ASTN2: variants seen among roughly 807,000 people sequenced by gnomAD.
The protein encoded by ASTN2 is astrotactin-2.
Under a neutral mutation model 139.8 loss-of-function variants are expected in ASTN2, and 54 were observed. That is an observed-to-expected ratio of 0.39 (90% CI 0.31 to 0.48). The LOEUF is 0.48. ASTN2 is among the 20% of genes least tolerant of loss of function. The pLI is 0.95. For synonymous variants in ASTN2, 756 were observed against 719.5 expected (o/e 1.05, Z -0.81); for missense variants, 1,565 against 1,725.1 (o/e 0.91, Z 1.64).
At chr9:116,940,368 C>A (rs914537041) in intron 10 of ASTN2, among the ~76,000 whole-genome samples, 1 of 152,082 alleles carries the variant, frequency 6.6e-6, no homozygotes, top group Non-Finnish European at 1.5e-5. Flanking sequence ...GGAGGTATTG[C>A]AGAAAAGGCA....
chr9:116,921,154 C>T (rs1242305665), intron 10 of ASTN2, among the ~76,000 whole-genome samples: 1 of 152,038 alleles, frequency 6.6e-6, no homozygotes, highest in African/African-American at 2.4e-5. Flanking sequence ...AGGTACCACA[C>T]ACTTTTAGAC....
intron 19 of ASTN2, among the ~76,000 whole-genome samples, chr9:116,507,966 G>A (rs1324650814): frequency 6.6e-6 from 1 of 152,072 alleles, no homozygotes; most frequent in Non-Finnish European, 1.5e-5. Flanking sequence ...TTGGCTCACC[G>A]CAACCTCCAC....
intron 11 of ASTN2, among the ~76,000 whole-genome samples, chr9:116,861,137 G>C (rs1311317865): frequency 6.6e-6 from 1 of 151,730 alleles, no homozygotes; most frequent in African/African-American, 2.4e-5. Context: ...CCTAGGGAAT[G>C]AATGTTCTTT....
chr9:117,362,519 T>C (rs921836441), intron 1 of ASTN2, among the ~76,000 whole-genome samples: 9 of 152,138 alleles, frequency 5.9e-5, no homozygotes, highest in Non-Finnish European at 8.8e-5. Flanking sequence ...CCTGCTGACC[T>C]GTGGCCTCAA....
At chr9:117,358,437 A>G (rs1427938760) in intron 1 of ASTN2, among the ~76,000 whole-genome samples, 1 of 152,104 alleles carries the variant, frequency 6.6e-6, no homozygotes, top group East Asian at 1.9e-4. Context: ...CCTTAGTCCT[A>G]AGGTTGCAAA....
At chr9:116,798,105 T>C (rs927232300) in intron 13 of ASTN2, among the ~76,000 whole-genome samples, 1 of 152,132 alleles carries the variant, frequency 6.6e-6, no homozygotes, top group African/African-American at 2.4e-5. Context: ...ACCTTGTCTC[T>C]ACTAAAGATA....
intron 3 of ASTN2, among the ~76,000 whole-genome samples, chr9:117,159,584 T>C (rs531631694): frequency 5.3e-4 from 81 of 152,172 alleles, no homozygotes; most frequent in Non-Finnish European, 9.4e-4. Flanking sequence ...CAATTCATTA[T>C]TGAGTTGTGT....
chr9:116,885,198 A>G (rs958186557), intron 10 of ASTN2, among the ~76,000 whole-genome samples: 4 of 152,160 alleles, frequency 2.6e-5, no homozygotes, highest in Non-Finnish European at 4.4e-5. Flanking sequence ...CTCATGTTCA[A>G]TTAGCTAGAA....
intron 17 of ASTN2, among the ~76,000 whole-genome samples, chr9:116,630,321 A>G (rs1856684675): frequency 6.6e-6 from 1 of 152,162 alleles, no homozygotes; most frequent in African/African-American, 2.4e-5. Flanking sequence ...CATCTCCATA[A>G]ACAGCCTGTA....
At chr9:116,816,606 T>A (rs1307895868) in intron 12 of ASTN2, among the ~76,000 whole-genome samples, 2 of 152,154 alleles carry the variant, frequency 1.3e-5, no homozygotes, top group Non-Finnish European at 2.9e-5. Context: ...GGAATGGCAA[T>A]GAAGACATGC....
In ASTN2 at chr9:117,018,270, A is replaced by C. The variant is rs1019110005; in HGVS notation, c.1424-10011T>G. On this transcript the variant is annotated intron_variant, in intron 6 of 22. Coordinates refer to ENST00000313400, the MANE Select transcript of ASTN2 (RefSeq NM_001365068.1). The stretch of plus-strand genomic sequence containing the variant: ...GCCTACAGGACCCACCAGCTTCACT[A>C]TGCTCCCTGCAGCCTGTTTCCACTT... Among the ~76,000 whole-genome samples, 7 of 152,134 alleles carry C rather than the reference A, an allele frequency of 4.6e-5. 1 individual carries two copies. The highest frequency in any genetic ancestry group is 1.3e-4 in the Admixed American group (2 of 15,272).
intron 20 of ASTN2, among the ~76,000 whole-genome samples, chr9:116,483,223 T>C (rs1341651155): frequency 6.6e-6 from 1 of 152,226 alleles, no homozygotes; most frequent in African/African-American, 2.4e-5. Context: ...TCTGCTGCTT[T>C]TGTTTGTTTT....
chr9:117,243,956 C>A (rs1174063907), intron 2 of ASTN2, among the ~76,000 whole-genome samples: 1 of 152,150 alleles, frequency 6.6e-6, no homozygotes, highest in African/African-American at 2.4e-5. Context: ...CTAATCCCCA[C>A]ATGTCTAGGG....
intron 5 of ASTN2, among the ~76,000 whole-genome samples, chr9:117,045,539 G>A (rs1406687666): frequency 1.3e-5 from 2 of 152,036 alleles, no homozygotes; most frequent in East Asian, 3.9e-4. Flanking sequence ...GCAGAGAATG[G>A]CATAAAATGC....
intron 1 of ASTN2, among the ~76,000 whole-genome samples, chr9:117,301,666 A>G (rs530720573): frequency 6.6e-5 from 10 of 152,332 alleles, no homozygotes; most frequent in African/African-American, 2.4e-4. Flanking sequence ...GATAAGTACC[A>G]GGGCAGTAGG....
intron 19 of ASTN2, among the ~76,000 whole-genome samples, chr9:116,588,026 GA>G (rs1854229126): frequency 6.6e-6 from 1 of 152,122 alleles, no homozygotes; most frequent in African/African-American, 2.4e-5. Context: ...GACCTGAGGG[GA>G]AATTGGCCAG....
intron 13 of ASTN2, among the ~76,000 whole-genome samples, chr9:116,771,139 A>G (rs2132185246): frequency 1.3e-5 from 2 of 152,318 alleles, no homozygotes; most frequent in Middle Eastern, 3.4e-3. Flanking sequence ...CATCTCTTAG[A>G]AACCTTCTCA....
At chr9:116,609,977 T>G (rs1469705943) in intron 19 of ASTN2, among the ~76,000 whole-genome samples, 1 of 151,062 alleles carries the variant, frequency 6.6e-6, no homozygotes, top group Non-Finnish European at 1.5e-5. Flanking sequence ...GCTAATAAAG[T>G]CAACAAAGGA....
intron 19 of ASTN2, among the ~76,000 whole-genome samples, chr9:116,522,143 T>C (rs940422887): frequency 2.0e-5 from 3 of 152,210 alleles, no homozygotes; most frequent in East Asian, 3.9e-4. Flanking sequence ...TACTGTTTGA[T>C]CCAGTAATCC....
Sources: gnomAD v4.1 joint callset for allele counts (sites outside exome capture counted in the v4.1 genomes callset) on GRCh38, gnomAD v4.1.1 for gene constraint, MANE v1.5 for transcripts, NCBI Gene and HGNC (gene_info 2026-07-23, HGNC 2026-07-21) for gene names.